The following TTC28 variants were observed in gnomAD, a reference collection of about 807,000 sequenced individuals.
The protein encoded by TTC28 is tetratricopeptide repeat domain 28.
A neutral mutation model predicts 198.0 loss-of-function variants in TTC28; 61 were observed. The ratio of observed to expected loss-of-function variants is 0.31; its 90% CI spans 0.25 to 0.38. The LOEUF is 0.38. Ranked by LOEUF, TTC28 falls within the 10% of genes least tolerant of loss-of-function variation. The pLI, the probability that TTC28 is intolerant of heterozygous loss-of-function variation, is 1.00. For synonymous variants in TTC28, 1,171 were observed against 1,297.8 expected (o/e 0.90, Z 2.10); for missense variants, 2,678 against 3,164.0 (o/e 0.85, Z 3.69).
rs545507786 is a variant in TTC28 at position 27,992,505 on chromosome 22, T to C, written c.5553+82A>G. On this transcript the variant is annotated intron_variant, in intron 19 of 22. Coordinates refer to ENST00000397906, the MANE Select transcript of TTC28 (RefSeq NM_001145418.2). ...GGTGAGACTGCATTCACTTACAGGT[T>C]CCTATTTAGGGCCAAGTTGCTCTGC... The C allele has an allele frequency of 2.1e-6, 3 of 1,402,750 alleles. No individual in the cohort carries two copies. The African/African-American group carries it at 4.3e-5, about 20-fold the overall frequency. 86.9% of individuals were successfully genotyped at this position (1,402,750 alleles called of 1,614,324 possible). A position where few individuals can be genotyped will look rare whatever the true frequency, so the allele number is the denominator to read the frequency against.
intron 6 of TTC28, among the ~76,000 whole-genome samples, chr22:28,153,018 A>C (rs1943646483): frequency 6.6e-6 from 1 of 152,150 alleles, no homozygotes; most frequent in African/African-American, 2.4e-5. Flanking sequence ...TTTAGGAATA[A>C]AATATAGCTA....
At chr22:28,218,249 T>C (rs1256526222) in intron 5 of TTC28, among the ~76,000 whole-genome samples, 1 of 152,220 alleles carries the variant, frequency 6.6e-6, no homozygotes, top group Non-Finnish European at 1.5e-5. Flanking sequence ...ACATTATGCA[T>C]TGGCTATTGG....
rs905380821 is a variant in TTC28 at position 28,108,297 on chromosome 22, G to A, written c.1548C>T (p.Ala516=). The A allele has an allele frequency of 1.9e-6, 3 of 1,544,262 alleles. No individual in the cohort carries two copies. The African/African-American group carries it at 4.1e-5, about 21-fold the overall frequency. The change falls in exon 7 of 23, where the codon GCC becomes GCT. Residue 516 remains alanine (A), a synonymous_variant. Coordinates refer to ENST00000397906, the MANE Select transcript of TTC28 (RefSeq NM_001145418.2). ...ELSDYAAQGR[A]YGNMGNAYNA... ...TGTAGGCATTGCCCATATTCCCATA[G>A]GCACGGCCCTGGGCAGCATAATCAC...
chr22:28,296,170 GT>G, intron 5 of TTC28, 27 bp downstream of exon 5: 15 of 1,522,696 alleles, frequency 9.9e-6, no homozygotes, highest in South Asian at 2.5e-5. Context: ...AAAAAAAAAT[GT>G]TTTTGGTCTG....
chr22:27,998,956 C>T lies in TTC28; in HGVS notation c.4703G>A (p.Ser1568Asn). The change falls in exon 16 of 23, where the codon AGC (serine) becomes AAC (asparagine). Residue 1568 changes from serine to asparagine, a missense_variant. Ser to Asn is a conservative substitution (Grantham distance 46, BLOSUM62 1). Around this residue, in one of 8 missense-constraint regions of TTC28, gnomAD observed 727 missense variants for 861.9 expected, o/e 0.84. Transcript: ENST00000397906. ...LTPSMDGNPA[S>N]SKSSFGHPYT... ...GGGGTGGCCGAAGGAGCTCTTGCTGCTGGCAGGGTTGCCGTCCATGCTGGG... is the reference window on the plus strand; with the variant it reads ...GGGGTGGCCGAAGGAGCTCTTGCTGTTGGCAGGGTTGCCGTCCATGCTGGG... 6.4e-7 allele frequency: 1 copy of T among 1,550,778 alleles called. No individual in the cohort carries two copies. The highest frequency in any genetic ancestry group is 1.4e-5 in the African/African-American group (1 of 73,138).
chr22:28,424,526 G>A (rs1416424708), intron 2 of TTC28, among the ~76,000 whole-genome samples: 3 of 152,084 alleles, frequency 2.0e-5, no homozygotes, highest in East Asian at 3.9e-4. Flanking sequence ...AGGTCCTTTT[G>A]AGGTATTATC....
intron 2 of TTC28, among the ~76,000 whole-genome samples, chr22:28,454,970 T>G (rs1356450708): frequency 1.3e-5 from 2 of 152,208 alleles, no homozygotes; most frequent in Admixed American, 1.3e-4. Context: ...TCTTCGTATT[T>G]CAAAAGTATA....
chr22:28,214,653 G>A (rs576048030), intron 5 of TTC28, among the ~76,000 whole-genome samples: 14 of 152,198 alleles, frequency 9.2e-5, no homozygotes, highest in Admixed American at 2.6e-4. Context: ...AGAGGATGTG[G>A]AGAAATAGGA....
intron 12 of TTC28, among the ~76,000 whole-genome samples, chr22:28,030,649 CTG>C (rs2146632609): frequency 6.6e-6 from 1 of 152,338 alleles, no homozygotes; most frequent in African/African-American, 2.4e-5. Context: ...TGAATAAGAA[CTG>C]TATTCCCAGC....
chr22:28,154,908 A>G (rs1257225060), intron 6 of TTC28, among the ~76,000 whole-genome samples: 1 of 151,906 alleles, frequency 6.6e-6, no homozygotes, highest in Non-Finnish European at 1.5e-5. Context: ...TACCCACTTC[A>G]CCTTTACCTG....
At chr22:28,100,861 G>T (rs1942123390) in intron 9 of TTC28, among the ~76,000 whole-genome samples, 1 of 152,162 alleles carries the variant, frequency 6.6e-6, no homozygotes, top group Non-Finnish European at 1.5e-5. Context: ...CTAGAAACAT[G>T]AAATTTAATT....
At chr22:28,655,473 A>G (rs1431280007) in intron 1 of TTC28, among the ~76,000 whole-genome samples, 1 of 152,224 alleles carries the variant, frequency 6.6e-6, no homozygotes, top group Non-Finnish European at 1.5e-5. Flanking sequence ...AGTCTAATTC[A>G]ATAACTTTAT....
intron 2 of TTC28, among the ~76,000 whole-genome samples, chr22:28,362,556 C>A (rs1489676255): frequency 6.6e-6 from 1 of 152,054 alleles, no homozygotes; most frequent in Non-Finnish European, 1.5e-5. Context: ...GGGTAACAGG[C>A]AGAGGTTGGA....
At chr22:28,576,646 C>T (rs1382527657) in intron 2 of TTC28, among the ~76,000 whole-genome samples, 1 of 152,092 alleles carries the variant, frequency 6.6e-6, no homozygotes, top group East Asian at 1.9e-4. Context: ...CTTTTTATTA[C>T]AGCTTCAATC....
chr22:28,346,168 C>T (rs9613597), intron 2 of TTC28, among the ~76,000 whole-genome samples: 2,457 of 152,184 alleles, frequency 0.016, 43 homozygotes, highest in Non-Finnish European at 0.023. Flanking sequence ...AAATAAATTG[C>T]CCAAGGCCAT....
chr22:28,615,754 T>C (rs1168585465), intron 2 of TTC28, among the ~76,000 whole-genome samples: 2 of 119,056 alleles, frequency 1.7e-5, no homozygotes, highest in African/African-American at 6.7e-5. Context: ...ATGGAACACA[T>C]GGTCACAGGG....
Position 27,989,852 on chromosome 22 carries a change from ATTTAAGTCAAGGATTCTC to A in TTC28, c.5707+8_5707+25del, listed in dbSNP as rs1180613677. ...TTTAAAAGATGGAATTCAAGAACCC[ATTTAAGTCAAGGATTCTC>A]TGCCTACCTAGAGCTGCCAGGAACT... On this transcript the variant is annotated splice_region_variant and intron_variant, in intron 21 of 22. Transcript: ENST00000397906. 1 of 1,541,856 alleles carries A rather than the reference ATTTAAGTCAAGGATTCTC, an allele frequency of 6.5e-7. No individual in the cohort carries two copies. Among genetic ancestry groups the A allele is most frequent in the South Asian group, 1.2e-5 (1 of 83,534 alleles).
chr22:28,446,736 T>C (rs2047708935), intron 2 of TTC28, among the ~76,000 whole-genome samples: 1 of 152,140 alleles, frequency 6.6e-6, no homozygotes, highest in Non-Finnish European at 1.5e-5. Flanking sequence ...CTTTATAAAT[T>C]ACCCAGTCTC....
Position 28,675,905 on chromosome 22 carries a change from C to G in TTC28, c.102+3717G>C, listed in dbSNP as rs181708771. Among the ~76,000 whole-genome samples the G allele has an allele frequency of 3.4e-3, 518 of 152,106 alleles. 2 individuals are homozygous for G. The highest frequency in any genetic ancestry group is 6.1e-3 in the Admixed American group (93 of 15,266). ...TTCAAGATCAGCCTGGGCAACATAG[C>G]GAGACCCCTTATCTACAAAAAATTT... On this transcript the variant is annotated intron_variant, in intron 1 of 22. Transcript: ENST00000397906.
Sources: allele counts gnomAD v4.1 joint callset (sites outside exome capture counted in the v4.1 genomes callset), GRCh38; gene constraint gnomAD v4.1.1; regional missense constraint gnomAD v4.1.1; transcripts MANE v1.5; gene names NCBI Gene and HGNC (gene_info 2026-07-23, HGNC 2026-07-21).